Variants in PBX1 observed in about 807,000 individuals in gnomAD.
PBX1 encodes PBX homeobox 1.
PBX1 carries 6 observed loss-of-function variants against 53.4 expected under a neutral mutation model. The observed-to-expected ratio is 0.11, with a 90% confidence interval of 0.06 to 0.22. The LOEUF is 0.22. Ranked by LOEUF, PBX1 falls within the 10% of genes least tolerant of loss-of-function variation. PBX1 has a pLI of 1.00. For synonymous variants in PBX1, 204 were observed against 212.3 expected (o/e 0.96, Z 0.34); for missense variants, 251 against 551.4 (o/e 0.46, Z 5.46).
At chr1:164,744,890 G>A (rs1032822938) in intron 2 of PBX1, among the ~76,000 whole-genome samples, 8 of 151,986 alleles carry the variant, frequency 5.3e-5, no homozygotes, top group Non-Finnish European at 7.4e-5. Context: ...GGGGGTGGTG[G>A]TGGGTGGGAA....
At chr1:164,585,101 A>G (rs987658642) in intron 2 of PBX1, among the ~76,000 whole-genome samples, 3 of 152,220 alleles carry the variant, frequency 2.0e-5, no homozygotes, top group Non-Finnish European at 2.9e-5. Context: ...AAGAGGTTGT[A>G]GAACTGGAGG....
At chr1:164,706,596 A>G (rs1663438233) in intron 2 of PBX1, among the ~76,000 whole-genome samples, 1 of 152,218 alleles carries the variant, frequency 6.6e-6, no homozygotes, top group Admixed American at 6.5e-5. Flanking sequence ...TATATATGAT[A>G]TACCTTTTTT....
intron 2 of PBX1, among the ~76,000 whole-genome samples, chr1:164,655,098 G>GTTTTT (rs1385024281): frequency 8.9e-4 from 34 of 38,330 alleles, no homozygotes; most frequent in African/African-American, 2.8e-3. Context: ...TCTCTGATGT[G>GTTTTT]TGTTTTTTTT....
chr1:164,800,309 A>G (rs1326635586), intron 4 of PBX1, among the ~76,000 whole-genome samples: 1 of 152,214 alleles, frequency 6.6e-6, no homozygotes, highest in Non-Finnish European at 1.5e-5. Flanking sequence ...AGATGGACAG[A>G]GAGTGCACTC....
intron 5 of PBX1, among the ~76,000 whole-genome samples, chr1:164,808,952 A>G (rs889924908): frequency 1.3e-5 from 2 of 152,162 alleles, no homozygotes; most frequent in South Asian, 4.1e-4. Context: ...TCAGCGGTCA[A>G]ACTCAAGTAG....
Position 164,792,435 on chromosome 1 carries a change from G to GT in PBX1, c.266-53dup. ...TAGCCAAAGAACACAAATGTGTTGT[G>GT]TTTTTTATTTTCTTTCTTGGGTTAC... On this transcript the variant is annotated intron_variant, in intron 2 of 8. Transcript: ENST00000420696. 3.1e-6 allele frequency: 5 copies of GT among 1,594,434 alleles called. No homozygotes were observed. The South Asian group carries it at 5.6e-5, about 18-fold the overall frequency.
At chr1:164,616,872 A>T (rs533559199) in intron 2 of PBX1, among the ~76,000 whole-genome samples, 1 of 152,284 alleles carries the variant, frequency 6.6e-6, no homozygotes, top group South Asian at 2.1e-4. Flanking sequence ...TGAGAAATGG[A>T]ATATGTTTAT....
intron 8 of PBX1, chr1:164,829,665 A>G (rs1217095345): frequency 6.6e-6 from 1 of 152,084 alleles, no homozygotes; most frequent in Non-Finnish European, 1.5e-5. Context: ...AATACCTAAT[A>G]AATGCTGGGC....
intron 2 of PBX1, chr1:164,564,075 TTATTTTAA>T (rs1468300519): frequency 1.3e-5 from 2 of 152,138 alleles, no homozygotes; most frequent in African/African-American, 2.4e-5. Flanking sequence ...ATCCCCTTGT[TTATTTTAA>T]TCCTTAATTT....
chr1:164,626,226 T>G (rs1248530985), intron 2 of PBX1: 1 of 441,208 alleles, frequency 2.3e-6, no homozygotes, highest in Non-Finnish European at 3.1e-6. Flanking sequence ...TCTATCTTGA[T>G]GGCAGAAATA....
chr1:164,576,314 C>T (rs1654230737), intron 2 of PBX1, among the ~76,000 whole-genome samples: 1 of 152,208 alleles, frequency 6.6e-6, no homozygotes, highest in Non-Finnish European at 1.5e-5. Context: ...CGCGAACCCC[C>T]TCGCAAATCT....
intron 2 of PBX1, among the ~76,000 whole-genome samples, chr1:164,585,325 C>G (rs561277944): frequency 1.5e-4 from 23 of 152,192 alleles, no homozygotes; most frequent in Non-Finnish European, 2.9e-4. Flanking sequence ...TGGGGTCATT[C>G]CCTGGGGATA....
At chr1:164,708,932 G>C (rs547811884) in intron 2 of PBX1, among the ~76,000 whole-genome samples, 4 of 152,202 alleles carry the variant, frequency 2.6e-5, no homozygotes, top group Non-Finnish European at 5.9e-5. Flanking sequence ...ATTGAGTGCT[G>C]ACTGTATGCC....
At chr1:164,874,531 A>C (rs1399944198) in intron 2 of PBX1, among the ~76,000 whole-genome samples, 11 of 152,070 alleles carry the variant, frequency 7.2e-5, no homozygotes, top group African/African-American at 2.7e-4. Context: ...ATCTTACTTC[A>C]TCACCCAGGC....
At position 164,870,358 on chromosome 1, in the gene PBX1, TTTCG is replaced by T. The variant is rs796174584; in HGVS notation, n.258-28829_258-28826del. Among the ~76,000 whole-genome samples, 913 of 103,624 alleles carry T rather than the reference TTTCG, an allele frequency of 8.8e-3. 151 individuals are homozygous for T. Among genetic ancestry groups the T allele is most frequent in the Middle Eastern group, 0.023 (4 of 176 alleles). The allele number at this position is 103,624 out of a possible 152,430, so 68.0% of individuals were successfully genotyped here. On this transcript the variant is annotated intron_variant and non_coding_transcript_variant, in intron 2 of 2. Coordinates refer to the PBX1 transcript ENST00000558796. ...CTTTCTTTCTTTCTTTCTTTCTTTCTTTCGAGATGAAGTCTTGCTCTGTCTCCCC... is the reference window on the plus strand; with the variant it reads ...CTTTCTTTCTTTCTTTCTTTCTTTCTAGATGAAGTCTTGCTCTGTCTCCCC...
At chr1:164,639,062 C>G (rs1658962777) in intron 2 of PBX1, among the ~76,000 whole-genome samples, 1 of 152,184 alleles carries the variant, frequency 6.6e-6, no homozygotes, top group Non-Finnish European at 1.5e-5. Flanking sequence ...TACCTACCAG[C>G]AGTGTGGCTT....
intron 2 of PBX1, among the ~76,000 whole-genome samples, chr1:164,717,562 C>T (rs767059361): frequency 2.0e-5 from 3 of 152,128 alleles, no homozygotes; most frequent in African/African-American, 7.2e-5. Context: ...CTGAGATGGT[C>T]GGAGTATGCA....
intron 2 of PBX1, among the ~76,000 whole-genome samples, chr1:164,615,485 C>A (rs76064145): frequency 0.019 from 2,801 of 151,016 alleles, 106 homozygotes; most frequent in African/African-American, 0.064. Context: ...GTGTAATATT[C>A]CTGATTTTAT....
At chr1:164,682,325 CCT>C (rs1661824873) in intron 2 of PBX1, 1 of 152,094 alleles carries the variant, frequency 6.6e-6, no homozygotes, top group South Asian at 2.1e-4. Flanking sequence ...TCGAAAAAAG[CCT>C]GGTTTTGGTA....
Sources: allele counts gnomAD v4.1 joint callset (sites outside exome capture counted in the v4.1 genomes callset), GRCh38; gene constraint gnomAD v4.1.1; transcripts MANE v1.5; gene names NCBI Gene and HGNC (gene_info 2026-07-23, HGNC 2026-07-21).